ZNF10: variants seen among roughly 807,000 people sequenced by gnomAD.
The protein encoded by ZNF10 is zinc finger protein 10 (KOX 1).
In ZNF10, 8 loss-of-function variants were observed where a neutral mutation model predicts 12.2. That is an observed-to-expected ratio of 0.66 (90% CI 0.39 to 1.18). ZNF10 has a LOEUF of 1.18. Among genes scored for constraint, ZNF10 ranks in the 50% most tolerant of loss-of-function variants. The probability of loss-of-function intolerance (pLI) is 0.01; values close to 1 mark genes in which losing one functional copy is unlikely to be tolerated. For missense variants in ZNF10, 603 were observed against 678.9 expected, an observed-to-expected ratio of 0.89 and a Z score of 1.24; for synonymous variants, 229 against 228.2, an observed-to-expected ratio of 1.00 and a Z score of -0.03.
At chr12:133,133,328 T>C (rs757412460) in intron 1 of ZNF10, among the ~76,000 whole-genome samples, 1 of 152,210 alleles carries the variant, frequency 6.6e-6, no homozygotes, top group Non-Finnish European at 1.5e-5. Flanking sequence ...GTACTCCATG[T>C]CCCCAAGTGA....
Position 133,134,334 on chromosome 12 carries a change from G to T in ZNF10, c.-60+3580G>T, listed in dbSNP as rs956070906. 1.3e-4 allele frequency among the ~76,000 whole-genome samples: 19 copies of T among 151,860 alleles called. No individual in the cohort carries two copies. In the Middle Eastern group the frequency reaches 0.017, roughly 136 times the overall value. ...TCTCAAAAAAAAAAAGTAAAAGGGG[G>T]ATAAGAAGGTTAGCAATCAGGGAAA... is the stretch of plus-strand genomic sequence containing the variant. On this transcript the variant is annotated intron_variant, in intron 1 of 4. Coordinates refer to ENST00000248211, the MANE Select transcript of ZNF10 (RefSeq NM_015394.5).
At position 133,156,316 on chromosome 12, in the gene ZNF10, C is replaced by A; in HGVS notation, c.1070C>A (p.Ser357Tyr). 6.2e-7 allele frequency: 1 copy of A among 1,614,100 alleles called. No homozygotes were observed. The highest frequency in any genetic ancestry group is 8.5e-7 in the Non-Finnish European group (1 of 1,180,016). ...TACACATGTAATCAGTGTGGGAAAT[C>A]TTTTGTTCATAGCTCTAGGCTTATT... The part of the protein sequence containing the change: ...KLYTCNQCGK[S>Y]FVHSSRLIRH... The change falls in exon 5 of 5, where the codon TCT (serine) becomes TAT (tyrosine). Residue 357 changes from serine (S) to tyrosine (Y), a missense_variant. Transcript: ENST00000248211.
chr12:133,150,583 A>G (rs1210513194), intron 2 of ZNF10, among the ~76,000 whole-genome samples: 1 of 141,738 alleles, frequency 7.1e-6, no homozygotes. Context: ...TTTTTTTTTT[A>G]GTACCTACCA....
intron 1 of ZNF10, among the ~76,000 whole-genome samples, chr12:133,135,695 C>T (rs796678524): frequency 2.1e-4 from 32 of 152,236 alleles, no homozygotes; most frequent in African/African-American, 7.2e-4. Flanking sequence ...TCAAATCTGT[C>T]AGCTCCTTCC....
chr12:133,143,493 T>C (rs1955958271), intron 1 of ZNF10: 1 of 151,920 alleles, frequency 6.6e-6, no homozygotes, highest in Non-Finnish European at 1.5e-5. Context: ...GCTGAAAGAA[T>C]TTATCACTAG....
rs758313143 is a variant in ZNF10, at chr12:133,156,083, T to A, written c.837T>A (p.Asn279Lys). 1.9e-6 allele frequency: 3 copies of A among 1,613,422 alleles called. No homozygotes were observed. The highest frequency in any genetic ancestry group is 2.5e-6 in the Non-Finnish European group (3 of 1,179,980). ...GAAAATTCTTCAGCTGGCGCTCTAA[T>A]CTTACTAGGCATCAGCTTATTCATA... ...ECGKFFSWRS[N>K]LTRHQLIHTG... Residue 279 changes from asparagine (N) to lysine (K), a missense_variant, in exon 5 of 5, where the codon AAT becomes AAA. Physicochemically the swap from Asn to Lys is moderately conservative, Grantham distance 94. Transcript: ENST00000248211.
intron 2 of ZNF10, among the ~76,000 whole-genome samples, chr12:133,149,361 T>C (rs1281742178): frequency 2.8e-5 from 4 of 144,318 alleles, no homozygotes; most frequent in African/African-American, 7.9e-5. Context: ...GCTTTTTTTT[T>C]TTTTTTTTTT....
In ZNF10 at chr12:133,155,651, G is replaced by T. The variant is rs891980975; in HGVS notation, c.405G>T (p.Gln135His). ...AAGAAGTCTGGAAATGTAGAGACCA[G>T]TTAGACAAGTATCAGGAAAACCCAG... The part of the protein sequence containing the change: ...SLEEVWKCRD[Q>H]LDKYQENPER... The change falls in exon 5 of 5, where the codon CAG becomes CAT. Residue 135 changes from glutamine to histidine, a missense_variant. By Grantham distance (24) the Gln-to-His change is conservative (BLOSUM62 0). Coordinates refer to ENST00000248211, the MANE Select transcript of ZNF10 (RefSeq NM_015394.5). The T allele has an allele frequency of 6.2e-7, 1 of 1,613,792 alleles. No individual in the cohort carries two copies. Among genetic ancestry groups the T allele is most frequent in the East Asian group, 2.2e-5 (1 of 44,878 alleles).
At chr12:133,139,930 A>G (rs1052294394) in intron 1 of ZNF10, among the ~76,000 whole-genome samples, 5 of 151,962 alleles carry the variant, frequency 3.3e-5, no homozygotes, top group African/African-American at 7.3e-5. Flanking sequence ...CAGGCTGGGC[A>G]TGGTGACCCA....
At chr12:133,139,267 G>T (rs921685737) in intron 1 of ZNF10, 2 of 152,212 alleles carry the variant, frequency 1.3e-5, no homozygotes, top group African/African-American at 4.8e-5. Context: ...CATAAGAATG[G>T]ATAATGTTTG....
chr12:133,142,425 A>G (rs1225874743), intron 1 of ZNF10, among the ~76,000 whole-genome samples: 1 of 150,848 alleles, frequency 6.6e-6, no homozygotes, highest in Non-Finnish European at 1.5e-5. Flanking sequence ...AAAAAAAAAA[A>G]AAAGTGGGAG....
At chr12:133,144,767 A>G (rs1593842360) in intron 2 of ZNF10, 3 of 498,490 alleles carry the variant, frequency 6.0e-6, no homozygotes, top group East Asian at 3.9e-5. Context: ...AGTGGAAAAT[A>G]TGACAGAATG....
At chr12:133,139,609 G>C (rs1055575587) in intron 1 of ZNF10, among the ~76,000 whole-genome samples, 1 of 152,202 alleles carries the variant, frequency 6.6e-6, no homozygotes, top group African/African-American at 2.4e-5. Flanking sequence ...CAAAGGCAAA[G>C]AAGTCAAGTA....
chr12:133,140,688 TAG>T (rs1229508368), intron 1 of ZNF10, among the ~76,000 whole-genome samples: 2 of 152,216 alleles, frequency 1.3e-5, no homozygotes, highest in Non-Finnish European at 2.9e-5. Context: ...ATTTTAAATT[TAG>T]ATTTTTTTAA....
Position 133,156,286 on chromosome 12 carries a change from A to G in ZNF10, c.1040A>G (p.Lys347Arg). The G allele has an allele frequency of 6.2e-7, 1 of 1,614,128 alleles. No individual in the cohort carries two copies. The highest frequency in any genetic ancestry group is 1.7e-5 in the Admixed American group (1 of 60,026). The stretch of plus-strand genomic sequence containing the variant: ...CATCAGAGAACTCATACAGGAGACA[A>G]ACTGTACACATGTAATCAGTGTGGG... ...VTHQRTHTGD[K>R]LYTCNQCGKS... Residue 347 changes from lysine (K) to arginine (R), a missense_variant, in exon 5 of 5, where the codon AAA becomes AGA. By Grantham distance (26) the Lys-to-Arg change is conservative. Coordinates refer to ENST00000248211, the MANE Select transcript of ZNF10 (RefSeq NM_015394.5).
intron 1 of ZNF10, chr12:133,130,986 A>G (rs1214534212): frequency 6.6e-6 from 1 of 152,184 alleles, no homozygotes. Flanking sequence ...CTGCACCTGG[A>G]GATTGACGCA....
intron 1 of ZNF10, among the ~76,000 whole-genome samples, chr12:133,135,668 C>G (rs979404277): frequency 6.6e-6 from 1 of 152,200 alleles, no homozygotes; most frequent in Non-Finnish European, 1.5e-5. Flanking sequence ...TCTCACGACT[C>G]TTCTTGGAGG....
At chr12:133,138,201 C>G (rs1955923987) in intron 1 of ZNF10, among the ~76,000 whole-genome samples, 1 of 151,970 alleles carries the variant, frequency 6.6e-6, no homozygotes, top group Admixed American at 6.6e-5. Flanking sequence ...AGTGAGTTAT[C>G]TAGTAGTAGT....
At chr12:133,151,213 C>T (rs1370391828) in intron 3 of ZNF10, 59 bp downstream of exon 3, 1 of 1,539,100 alleles carries the variant, frequency 6.5e-7, no homozygotes, top group African/African-American at 1.4e-5. Context: ...GGTACAGAGA[C>T]CCTGAAGCAT....
Sources: gnomAD v4.1 joint callset for allele counts (sites outside exome capture counted in the v4.1 genomes callset) on GRCh38, gnomAD v4.1.1 for gene constraint, MANE v1.5 for transcripts, NCBI Gene and HGNC (gene_info 2026-07-23, HGNC 2026-07-21) for gene names.